Variants in ERICH1 observed in about 807,000 individuals in gnomAD.
ERICH1 encodes glutamate rich 1.
A neutral mutation model predicts 39.6 loss-of-function variants in ERICH1; 56 were observed. That is an observed-to-expected ratio of 1.41 (90% CI 1.14 to 1.77). The LOEUF (loss-of-function observed/expected upper bound fraction) is 1.77, where lower values mean the gene tolerates loss of function less well. Ranked by LOEUF, ERICH1 falls within the 40% of genes most tolerant of loss-of-function variation. The probability of loss-of-function intolerance (pLI) is 0.00; values close to 1 mark genes in which losing one functional copy is unlikely to be tolerated. For missense variants in ERICH1, 826 were observed against 575.4 expected, an observed-to-expected ratio of 1.44 and a Z score of -4.45; for synonymous variants, 313 against 223.6, an observed-to-expected ratio of 1.40 and a Z score of -3.57.
At chr8:711,366 C>A (rs1479092627) in intron 2 of ERICH1, among the ~76,000 whole-genome samples, 2 of 152,120 alleles carry the variant, frequency 1.3e-5, no homozygotes, top group African/African-American at 2.4e-5. Flanking sequence ...ATCTACTTAT[C>A]AATTCTTTCT....
intron 3 of ERICH1, among the ~76,000 whole-genome samples, chr8:618,715 TACTA>T (rs946505476): frequency 1.2e-4 from 18 of 152,194 alleles, no homozygotes; most frequent in South Asian, 2.1e-4. Flanking sequence ...ACGCAATGGA[TACTA>T]ACTATTAAAA....
chr8:701,449 C>T (rs530970269), intron 2 of ERICH1, among the ~76,000 whole-genome samples: 4 of 152,356 alleles, frequency 2.6e-5, no homozygotes, highest in South Asian at 2.1e-4. Flanking sequence ...GATGGGAACA[C>T]GCCGTAGGAT....
chr8:716,258 T>C (rs4735912), intron 1 of ERICH1, among the ~76,000 whole-genome samples: 19,478 of 152,254 alleles, frequency 0.13, 1,619 homozygotes, highest in Middle Eastern at 0.24. Context: ...CTCCAGGGCA[T>C]CACCCTGCAT....
chr8:704,761 A>C (rs1418637904), intron 2 of ERICH1, among the ~76,000 whole-genome samples: 1 of 152,188 alleles, frequency 6.6e-6, no homozygotes, highest in East Asian at 1.9e-4. Context: ...CTGCCAAAAA[A>C]GAAAGAAAAA....
chr8:686,148 C>A (rs1807309106), intron 3 of ERICH1, among the ~76,000 whole-genome samples: 1 of 152,096 alleles, frequency 6.6e-6, no homozygotes, highest in Admixed American at 6.5e-5. Context: ...GAGCGAGACT[C>A]CATCTCAAAA....
intron 3 of ERICH1, among the ~76,000 whole-genome samples, chr8:629,292 G>T: frequency 6.6e-6 from 1 of 152,144 alleles, no homozygotes; most frequent in East Asian, 1.9e-4. Flanking sequence ...ACGTACAGCT[G>T]ACTCACACCC....
chr8:627,743 G>C (rs576283930), intron 3 of ERICH1, among the ~76,000 whole-genome samples: 2 of 152,334 alleles, frequency 1.3e-5, no homozygotes, highest in South Asian at 2.1e-4. Flanking sequence ...TTCAGCCGCA[G>C]GGGAGTTGCT....
downstream of ERICH1, among the ~76,000 whole-genome samples, chr8:661,393 C>T (rs921335951): frequency 3.9e-5 from 6 of 152,092 alleles, no homozygotes; most frequent in Admixed American, 2.6e-4. Context: ...TTCTCAGGCT[C>T]TGCAGACACA....
chr8:691,834 C>CT (rs1452289311), intron 3 of ERICH1, among the ~76,000 whole-genome samples: 6 of 152,110 alleles, frequency 3.9e-5, no homozygotes, highest in Non-Finnish European at 8.8e-5. Flanking sequence ...CTAGGTACAA[C>CT]TTTTATTTGA....
chr8:642,626 A>C (rs1456657247), intron 3 of ERICH1, among the ~76,000 whole-genome samples: 1 of 151,664 alleles, frequency 6.6e-6, no homozygotes, highest in African/African-American at 2.4e-5. Context: ...TTTTTTTTTA[A>C]GTTACAGAAA....
At chr8:627,958 G>C (rs977653538) in intron 3 of ERICH1, among the ~76,000 whole-genome samples, 1 of 152,172 alleles carries the variant, frequency 6.6e-6, no homozygotes, top group South Asian at 2.1e-4. Flanking sequence ...GGCCTGGAAC[G>C]TGCTGAGACC....
chr8:715,757 A>T (rs745637546), intron 2 of ERICH1, 104 bp downstream of exon 2: 67 of 1,476,356 alleles, frequency 4.5e-5, no homozygotes, highest in Non-Finnish European at 5.8e-5. Context: ...GCAGACCTGC[A>T]GACAGATGCC....
At chr8:724,214 G>A (rs1433960603) in intron 1 of ERICH1, among the ~76,000 whole-genome samples, 2 of 152,080 alleles carry the variant, frequency 1.3e-5, no homozygotes, top group Non-Finnish European at 2.9e-5. Context: ...CTTCAACAAA[G>A]AAGAAAGCCG....
chr8:655,361 T>C (rs113381654), intron 3 of ERICH1, among the ~76,000 whole-genome samples: 2,997 of 152,326 alleles, frequency 0.02, 44 homozygotes, highest in Non-Finnish European at 0.03. Flanking sequence ...GCAGAGAGGA[T>C]TTCTGTACGT....
At chr8:692,255 C>T (rs1809065792) in intron 3 of ERICH1, among the ~76,000 whole-genome samples, 1 of 152,186 alleles carries the variant, frequency 6.6e-6, no homozygotes, top group African/African-American at 2.4e-5. Context: ...CTTTCAATCT[C>T]CTCCATATGA....
chr8:669,615 C>T (rs1222462332), intron 4 of ERICH1, among the ~76,000 whole-genome samples: 1 of 145,668 alleles, frequency 6.9e-6, no homozygotes, highest in Non-Finnish European at 1.5e-5. Context: ...CCGTCTACAC[C>T]TCTGTCTGGT....
At position 715,893 on chromosome 8, in the gene ERICH1, T is replaced by C; in HGVS notation, c.137A>G (p.Lys46Arg). The change falls in exon 2 of 6, where the codon AAA becomes AGA. Residue 46 changes from lysine (K) to arginine (R), a missense_variant. By Grantham distance (26) the Lys-to-Arg change is conservative. Transcript: ENST00000262109. ...QNPPKKVTSE[K>R]VSQKHAEPLT... is the part of the protein sequence containing the mutation. ...AGGCTCAGCATGTTTCTGGCTCACT[T>C]TCTCAGAGGTCACTTTCTTTGGTGG... 6.2e-7 allele frequency: 1 copy of C among 1,613,702 alleles called. No homozygotes were observed. The highest frequency in any genetic ancestry group is 2.2e-5 in the East Asian group (1 of 44,856).
chr8:726,937 T>A (rs1281122304), intron 1 of ERICH1, among the ~76,000 whole-genome samples: 3 of 141,144 alleles, frequency 2.1e-5, no homozygotes, highest in South Asian at 2.2e-4. Context: ...AAAACACACA[T>A]ACATACACCA....
chr8:695,479 C>A (rs1435017969), intron 2 of ERICH1, among the ~76,000 whole-genome samples: 1 of 152,006 alleles, frequency 6.6e-6, no homozygotes, highest in Non-Finnish European at 1.5e-5. Flanking sequence ...ACAGCAGCTC[C>A]CGCCTCCCTC....
Sources: gnomAD v4.1 joint callset for allele counts (sites outside exome capture counted in the v4.1 genomes callset) on GRCh38, gnomAD v4.1.1 for gene constraint, MANE v1.5 for transcripts, NCBI Gene and HGNC (gene_info 2026-07-23, HGNC 2026-07-21) for gene names.